CHODL: variants seen among roughly 807,000 people sequenced by gnomAD.
CHODL encodes chondrolectin.
Under a neutral mutation model 34.5 loss-of-function variants are expected in CHODL, and 29 were observed. The ratio of observed to expected loss-of-function variants is 0.84; its 90% CI spans 0.63 to 1.15. The LOEUF (loss-of-function observed/expected upper bound fraction) is 1.15. Ranked by LOEUF, CHODL falls within the 50% of genes most tolerant of loss-of-function variation. The probability of loss-of-function intolerance (pLI) is 0.00; values close to 1 mark genes in which losing one functional copy is unlikely to be tolerated. For missense variants in CHODL, 332 were observed against 332.5 expected (o/e 1.00, Z 0.01); for synonymous variants, 125 against 116.1 (o/e 1.08, Z -0.49).
chr21:17,925,606 G>A (rs751872900), intron 1 of CHODL, among the ~76,000 whole-genome samples: 71 of 152,182 alleles, frequency 4.7e-4, no homozygotes, highest in Non-Finnish European at 4.3e-4. Flanking sequence ...GTCATGAATT[G>A]GGAGATTTAA....
At chr21:17,934,930 G>A (rs1438827196) in intron 1 of CHODL, among the ~76,000 whole-genome samples, 1 of 152,162 alleles carries the variant, frequency 6.6e-6, no homozygotes, top group Non-Finnish European at 1.5e-5. Context: ...CTTCTTGAAG[G>A]ATTCCTGGGC....
At chr21:17,946,398 C>T (rs980005401) in intron 1 of CHODL, among the ~76,000 whole-genome samples, 9 of 152,134 alleles carry the variant, frequency 5.9e-5, no homozygotes, top group East Asian at 1.9e-4. Flanking sequence ...CCAGCCTGGG[C>T]GACAAAGCGA....
chr21:18,195,032 TTTA>T (rs1568932219), intron 2 of CHODL, among the ~76,000 whole-genome samples: 1 of 43,044 alleles, frequency 2.3e-5, no homozygotes, highest in African/African-American at 7.6e-5. Flanking sequence ...CAATACATTA[TTTA>T]TTTATTTATT....
At chr21:18,063,839 C>G (rs1310891581) in intron 2 of CHODL, among the ~76,000 whole-genome samples, 1 of 152,130 alleles carries the variant, frequency 6.6e-6, no homozygotes, top group African/African-American at 2.4e-5. Flanking sequence ...TATCTACCTT[C>G]TTTCTCTGCA....
intron 2 of CHODL, among the ~76,000 whole-genome samples, chr21:18,038,088 A>G (rs564718423): frequency 1.2e-4 from 18 of 151,832 alleles, no homozygotes; most frequent in African/African-American, 4.1e-4. Flanking sequence ...CTTTTGGTGA[A>G]AAGTTTACTA....
chr21:18,127,575 A>G lies in CHODL; in HGVS notation c.-45+99604A>G, dbSNP rs2065561771. Among the ~76,000 whole-genome samples the G allele has an allele frequency of 2.6e-5, 4 of 152,114 alleles. No individual in the cohort carries two copies. In the South Asian group the frequency reaches 8.3e-4, roughly 31 times the overall value. Reference sequence around the variant, plus strand: ...AAGTAATTGACATAAAGTAAAACACATAAAACATGTCCAAGAATTGGCAAG... The same window carrying G: ...AAGTAATTGACATAAAGTAAAACACGTAAAACATGTCCAAGAATTGGCAAG... On this transcript the variant is annotated intron_variant, in intron 2 of 6. Coordinates refer to the CHODL transcript ENST00000400127.
chr21:18,243,124 T>C (rs546721352), upstream of CHODL, among the ~76,000 whole-genome samples: 1 of 152,338 alleles, frequency 6.6e-6, no homozygotes, highest in East Asian at 1.9e-4. Flanking sequence ...AAAGAATTCC[T>C]GCAAATATGC....
rs768510484 is a variant in CHODL, at chr21:18,267,350, A to AGAG, written c.*1313_*1315dup. The AGAG allele has an allele frequency of 6.6e-6, 1 of 152,236 alleles. No individual in the cohort carries two copies. The highest frequency in any genetic ancestry group is 1.5e-5 in the Non-Finnish European group (1 of 68,048). 9.4% of individuals were successfully genotyped at this position (152,236 alleles called of 1,614,324 possible). On this transcript the variant is annotated 3_prime_UTR_variant, in exon 6 of 6. Coordinates refer to ENST00000299295, the MANE Select transcript of CHODL (RefSeq NM_024944.3). ...CCCTGTGCTCCTTTTAACCAAATAA[A>AGAG]GAGTTCTTGTTTCTGAAGAATGATG...
intron 2 of CHODL, among the ~76,000 whole-genome samples, chr21:18,141,077 A>C (rs1341037562): frequency 1.3e-5 from 2 of 152,142 alleles, no homozygotes; most frequent in Non-Finnish European, 2.9e-5. Context: ...AGACAAAGAC[A>C]AAAGCATAAT....
At chr21:18,146,425 G>T (rs565209181) in intron 2 of CHODL, among the ~76,000 whole-genome samples, 54 of 152,038 alleles carry the variant, frequency 3.6e-4, no homozygotes, top group Non-Finnish European at 7.2e-4. Flanking sequence ...AGGTGATTGG[G>T]TCATGGAGGT....
intron 2 of CHODL, among the ~76,000 whole-genome samples, chr21:18,088,811 T>G (rs528516667): frequency 2.6e-5 from 4 of 152,212 alleles, no homozygotes; most frequent in African/African-American, 4.8e-5. Context: ...AAATCTGGCT[T>G]CTTTTTGCTA....
intron 2 of CHODL, among the ~76,000 whole-genome samples, chr21:18,191,423 A>G (rs1250896253): frequency 2.0e-5 from 3 of 152,246 alleles, no homozygotes; most frequent in Admixed American, 6.5e-5. Flanking sequence ...GGGCTCTGCA[A>G]GGTTCTGGGG....
chr21:17,995,144 C>G (rs888778562), intron 1 of CHODL, among the ~76,000 whole-genome samples: 12 of 152,088 alleles, frequency 7.9e-5, no homozygotes, highest in Admixed American at 5.9e-4. Context: ...TTTGGAAATT[C>G]AGGGCCTGTT....
At chr21:18,013,683 G>A (rs969393518) in intron 1 of CHODL, among the ~76,000 whole-genome samples, 1 of 114,388 alleles carries the variant, frequency 8.7e-6, no homozygotes, top group Admixed American at 1.1e-4. Flanking sequence ...TGCCCAGGCT[G>A]GAGTGCAGTG....
At chr21:18,054,161 T>A (rs952685461) in intron 2 of CHODL, among the ~76,000 whole-genome samples, 2 of 151,852 alleles carry the variant, frequency 1.3e-5, no homozygotes, top group African/African-American at 4.8e-5. Context: ...TATATCTTTA[T>A]CCATATATCC....
chr21:18,083,570 A>G (rs980359024), intron 2 of CHODL, among the ~76,000 whole-genome samples: 4 of 152,198 alleles, frequency 2.6e-5, no homozygotes, highest in African/African-American at 9.6e-5. Flanking sequence ...GGGGCTGTAC[A>G]CTGAAAAGCC....
Position 18,206,584 on chromosome 21 carries a change from CT to C in CHODL, c.-44-49922del, listed in dbSNP as rs2073714137. 1.3e-5 allele frequency among the ~76,000 whole-genome samples: 2 copies of C among 149,388 alleles called. 1 individual carries two copies. The highest frequency in any genetic ancestry group is 4.0e-4 in the East Asian group (2 of 5,032). ...AGATTGTTGGCTCTTGTGTTTTTTTCTTTGTATTTTTTTTTAATTCAGTCAC... is the reference window on the plus strand; with the variant it reads ...AGATTGTTGGCTCTTGTGTTTTTTTCTTGTATTTTTTTTTAATTCAGTCAC... On this transcript the variant is annotated intron_variant, in intron 2 of 6. Transcript: ENST00000400127.
At chr21:18,000,801 C>T (rs1478966733) in intron 1 of CHODL, among the ~76,000 whole-genome samples, 2 of 152,154 alleles carry the variant, frequency 1.3e-5, no homozygotes, top group African/African-American at 2.4e-5. Flanking sequence ...GATAAATACT[C>T]ATATTAATTA....
chr21:18,165,498 G>A (rs1229993107), intron 2 of CHODL, among the ~76,000 whole-genome samples: 2 of 152,124 alleles, frequency 1.3e-5, no homozygotes, highest in Admixed American at 6.5e-5. Flanking sequence ...TCACAAATCT[G>A]CAATTTGAGC....
Sources: gnomAD v4.1 joint callset for allele counts (sites outside exome capture counted in the v4.1 genomes callset) on GRCh38, gnomAD v4.1.1 for gene constraint, MANE v1.5 for transcripts, NCBI Gene and HGNC (gene_info 2026-07-23, HGNC 2026-07-21) for gene names.